The following COPS4 variants were observed in gnomAD, a reference collection of about 807,000 sequenced individuals.
COPS4 encodes COP9 signalosome subunit 4.
COPS4 carries 8 observed loss-of-function variants against 55.1 expected under a neutral mutation model. That is an observed-to-expected ratio of 0.15 (90% CI 0.09 to 0.26). The LOEUF (loss-of-function observed/expected upper bound fraction) is 0.26. COPS4 is among the 10% of genes least tolerant of loss of function. COPS4 has a pLI of 1.00. For synonymous variants in COPS4, 185 were observed against 165.7 expected (o/e 1.12, Z -0.90); for missense variants, 248 against 484.0 (o/e 0.51, Z 4.58).
intron 4 of COPS4, among the ~76,000 whole-genome samples, chr4:83,052,146 A>G (rs1401147741): frequency 2.0e-5 from 3 of 152,136 alleles, no homozygotes; most frequent in African/African-American, 7.2e-5. Context: ...AGATGTGGAG[A>G]TAGTGAGTAT....
intron 7 of COPS4, chr4:83,065,217 C>T: frequency 2.2e-6 from 1 of 446,936 alleles, no homozygotes; most frequent in South Asian, 4.4e-5. Context: ...TATAAAATTA[C>T]TGGATTGGAT....
intron 9 of COPS4, among the ~76,000 whole-genome samples, chr4:83,070,423 A>G (rs901074424): frequency 1.4e-4 from 22 of 151,964 alleles, no homozygotes; most frequent in African/African-American, 5.3e-4. Context: ...TAGCATGAAC[A>G]TATCAAAAAC....
chr4:83,063,390 T>G (rs989845015), intron 7 of COPS4, 144 bp downstream of exon 7: 2 of 583,632 alleles, frequency 3.4e-6, no homozygotes, highest in East Asian at 3.9e-5. Flanking sequence ...TATTTAAAAT[T>G]TTTTTTTTAA....
Position 83,035,192 on chromosome 4 carries a change from G to A in COPS4, c.-33G>A. ...ACTCGTTTTCTTTTTGGCTGCCAGA[G>A]GCCCCCGCATCCACCGCTGAGCTGG... On this transcript the variant is annotated 5_prime_UTR_variant, in exon 1 of 10. Transcript: ENST00000264389. The A allele has an allele frequency of 2.6e-6, 4 of 1,526,614 alleles. No homozygotes were observed. Among genetic ancestry groups the A allele is most frequent in the Middle Eastern group, 1.9e-4 (1 of 5,190 alleles). 94.6% of individuals were successfully genotyped at this position (1,526,614 alleles called of 1,614,324 possible).
chr4:83,075,450 G>A lies in COPS4; in HGVS notation c.*20G>A, dbSNP rs1456614265. The A allele has an allele frequency of 1.2e-6, 2 of 1,613,388 alleles. No homozygotes were observed. The highest frequency in any genetic ancestry group is 1.7e-6 in the Non-Finnish European group (2 of 1,179,708). On this transcript the variant is annotated 3_prime_UTR_variant, in exon 10 of 10. Coordinates refer to ENST00000264389, the MANE Select transcript of COPS4 (RefSeq NM_016129.3). ...CAGTGAATCCTTGCAGAACTTCTGT[G>A]CACATGACATCTTTTTCCATGTTGT...
At chr4:83,075,041 C>G (rs967966487) in intron 9 of COPS4, among the ~76,000 whole-genome samples, 1 of 151,924 alleles carries the variant, frequency 6.6e-6, no homozygotes, top group African/African-American at 2.4e-5. Flanking sequence ...CGCTTGAACT[C>G]AGGAGGTGGA....
chr4:83,048,708 C>G (rs1410852525), intron 2 of COPS4, among the ~76,000 whole-genome samples: 1 of 152,104 alleles, frequency 6.6e-6, no homozygotes, highest in Admixed American at 6.5e-5. Context: ...GTGCTGTGAT[C>G]TCGGCTCACT....
intron 9 of COPS4, among the ~76,000 whole-genome samples, chr4:83,074,721 G>A (rs1471529437): frequency 6.6e-6 from 1 of 151,360 alleles, no homozygotes; most frequent in Non-Finnish European, 1.5e-5. Context: ...GGCCGGGCTG[G>A]TCTCAAACTC....
At chr4:83,048,245 G>A (rs57970122) in intron 2 of COPS4, among the ~76,000 whole-genome samples, 14,077 of 152,116 alleles carry the variant, frequency 0.093, 2,225 homozygotes, top group African/African-American at 0.32. Context: ...TTTCTTGTCT[G>A]AAGTCATATA....
At chr4:83,071,556 A>G (rs1278050178) in intron 9 of COPS4, among the ~76,000 whole-genome samples, 1 of 151,986 alleles carries the variant, frequency 6.6e-6, no homozygotes, top group East Asian at 1.9e-4. Flanking sequence ...GTAGCTAGGA[A>G]GGACTACAGG....
chr4:83,066,497 TATA>T lies in COPS4; in HGVS notation c.953_955del (p.Asn318del). On this transcript the variant is annotated inframe_deletion, in exon 8 of 10. Transcript: ENST00000264389. ...CAATTTGTTGTCTGCAAGCAAATTA[TATA>T]ATAATATTACCTTCGAAGAACTTGG... 2 of 1,602,314 alleles carry T rather than the reference TATA, an allele frequency of 1.2e-6. No homozygotes were observed. The highest frequency in any genetic ancestry group is 1.7e-6 in the Non-Finnish European group (2 of 1,174,682).
Position 83,057,334 on chromosome 4 carries a change from A to G in COPS4, c.641A>G (p.Lys214Arg), listed in dbSNP as rs768231411. 3.7e-6 allele frequency: 6 copies of G among 1,613,468 alleles called. No individual in the cohort carries two copies. In the South Asian group the frequency reaches 6.6e-5, roughly 18 times the overall value. ...AAQRYNELSY[K>R]TIVHESERLE... Reference sequence around the variant, plus strand: ...CAAAGGTACAATGAGCTCTCTTACAAGACAATAGTCCACGAAAGTGAAAGA... The same window carrying G: ...CAAAGGTACAATGAGCTCTCTTACAGGACAATAGTCCACGAAAGTGAAAGA... Residue 214 changes from lysine (K) to arginine (R), a missense_variant, in exon 6 of 10, where the codon AAG becomes AGG. Around this residue, in one of 4 missense-constraint regions of COPS4, gnomAD observed 155 missense variants for 326.6 expected, o/e 0.47. Coordinates refer to ENST00000264389, the MANE Select transcript of COPS4 (RefSeq NM_016129.3).
In COPS4 at chr4:83,068,509, A is replaced by G. The variant is rs1430546458; in HGVS notation, c.1074A>G (p.Ile358Met). 6.3e-7 allele frequency: 1 copy of G among 1,599,902 alleles called. No individual in the cohort carries two copies. Among genetic ancestry groups the G allele is most frequent in the Admixed American group, 1.7e-5 (1 of 59,952 alleles). The part of the protein sequence containing the change: ...MNGFIDQIDG[I>M]VHFETREALP... ...GATTTATTGACCAGATTGATGGAAT[A>G]GTTCATTTTGAAAGTAAGAGGTTTT... The change falls in exon 9 of 10, where the codon ATA (isoleucine) becomes ATG (methionine). Residue 358 changes from isoleucine (I) to methionine (M), a missense_variant. This residue lies in a region of COPS4 where 38 missense variants were observed against 77.9 expected (regional missense o/e 0.49). Transcript: ENST00000264389.
rs993843326 is a variant in COPS4 at position 83,057,061 on chromosome 4, A to G, written c.546A>G (p.Gln182=). ...SLLQNESTNE[Q]LQIHYKVCYA... is the part of the protein sequence containing the mutation. ...TTCAGAATGAATCAACCAATGAACA[A>G]TTACAGATACATTATAAGGTAACAG... is the stretch of plus-strand genomic sequence containing the variant. The change falls in exon 5 of 10, where the codon CAA becomes CAG. Residue 182 remains glutamine (Q), a synonymous_variant. Transcript: ENST00000264389. 17 of 1,613,618 alleles carry G rather than the reference A, an allele frequency of 1.1e-5. No homozygotes were observed. In the African/African-American group the frequency reaches 1.1e-4, roughly 10 times the overall value.
At position 83,056,952 on chromosome 4, in the gene COPS4, A is replaced by G; in HGVS notation, c.437A>G (p.Glu146Gly). Reference protein sequence around the residue: ...QKQYNVDYKLETYLKIARLYL... With the variant: ...QKQYNVDYKLGTYLKIARLYL... ...CAGTACAATGTAGATTATAAACTGGAGACTTACTTGAAGATTGCTAGGCTA... is the reference window on the plus strand; with the variant it reads ...CAGTACAATGTAGATTATAAACTGGGGACTTACTTGAAGATTGCTAGGCTA... The change falls in exon 5 of 10, where the codon GAG (glutamate) becomes GGG (glycine). Residue 146 changes from glutamate to glycine, a missense_variant. Transcript: ENST00000264389. 1 of 1,613,094 alleles carries G rather than the reference A, an allele frequency of 6.2e-7. No homozygotes were observed. The highest frequency in any genetic ancestry group is 1.3e-5 in the African/African-American group (1 of 75,012).
chr4:83,047,400 C>T (rs777379487), intron 2 of COPS4, among the ~76,000 whole-genome samples: 5 of 150,090 alleles, frequency 3.3e-5, no homozygotes, highest in East Asian at 4.0e-4. Flanking sequence ...CAAAAAAATA[C>T]GAAAATTAGC....
chr4:83,038,466 A>C (rs1013425162), intron 1 of COPS4, among the ~76,000 whole-genome samples: 1 of 152,032 alleles, frequency 6.6e-6, no homozygotes, highest in African/African-American at 2.4e-5. Context: ...TTTTGGCCTT[A>C]TTTTCACAAA....
chr4:83,044,444 C>CA (rs35654094), intron 1 of COPS4, among the ~76,000 whole-genome samples: 2,676 of 59,812 alleles, frequency 0.045, 60 homozygotes, highest in Non-Finnish European at 0.059. Context: ...GACTCCATCT[C>CA]AAAAAAAAAA....
intron 6 of COPS4, among the ~76,000 whole-genome samples, chr4:83,058,770 A>G (rs754599606): frequency 6.6e-5 from 10 of 152,108 alleles, no homozygotes; most frequent in Non-Finnish European, 1.3e-4. Context: ...TGGCTTTATC[A>G]TAATTCATTT....
Sources: allele counts gnomAD v4.1 joint callset (sites outside exome capture counted in the v4.1 genomes callset), GRCh38; gene constraint gnomAD v4.1.1; regional missense constraint gnomAD v4.1.1; transcripts MANE v1.5; gene names NCBI Gene and HGNC (gene_info 2026-07-23, HGNC 2026-07-21).